BRF1: variants seen among roughly 807,000 people sequenced by gnomAD.
BRF1 encodes BRF1 general transcription factor IIIB subunit.
Under a neutral mutation model 81.7 loss-of-function variants are expected in BRF1, and 59 were observed. That is an observed-to-expected ratio of 0.72 (90% CI 0.59 to 0.90). The LOEUF is 0.90. Ranked by LOEUF, BRF1 falls within the 40% of genes least tolerant of loss-of-function variation. The pLI is 0.00. For missense variants in BRF1, 1,050 were observed against 936.3 expected (o/e 1.12, Z -1.58); for synonymous variants, 491 against 395.6 (o/e 1.24, Z -2.86).
At position 105,248,651 on chromosome 14, in the gene BRF1, A is replaced by G. The variant is rs867040308; in HGVS notation, c.544+3856T>C. ...CTAGGCTGGGCTCGGGCAGGGTCGC[A>G]GGGGCGGGGGTGGCAGGGGAGCGGG... On this transcript the variant is annotated intron_variant, in intron 5 of 17. Coordinates refer to ENST00000547530, the MANE Select transcript of BRF1 (RefSeq NM_001519.4). The G allele has an allele frequency of 3.1e-3, 3,059 of 977,518 alleles. 81 individuals carry two copies. In the African/African-American group the frequency reaches 0.052, roughly 17 times the overall value. 60.6% of individuals were successfully genotyped at this position (977,518 alleles called of 1,614,324 possible). A position where few individuals can be genotyped will look rare whatever the true frequency, so the allele number is the denominator to read the frequency against.
At chr14:105,267,764 G>A (rs587626871) in intron 3 of BRF1, among the ~76,000 whole-genome samples, 1 of 152,352 alleles carries the variant, frequency 6.6e-6, no homozygotes, top group South Asian at 2.1e-4. Context: ...AAGGGGGCCT[G>A]GTGGCAGAAG....
intron 1 of BRF1, among the ~76,000 whole-genome samples, chr14:105,287,454 G>A (rs2057357495): frequency 6.6e-6 from 1 of 152,200 alleles, no homozygotes; most frequent in African/African-American, 2.4e-5. Context: ...TTGGCACAGG[G>A]GCCAGTGCAT....
chr14:105,249,591 C>T lies in BRF1; in HGVS notation c.544+2916G>A, dbSNP rs1454985838. On this transcript the variant is annotated intron_variant, in intron 5 of 17. Coordinates refer to ENST00000547530, the MANE Select transcript of BRF1 (RefSeq NM_001519.4). The stretch of plus-strand genomic sequence containing the variant: ...GACTCCTCTCCCAGGCCCAGCCCCG[C>T]GATGGGTGCTTGGGAGCCAGCCCCT... 5 of 1,586,456 alleles carry T rather than the reference C, an allele frequency of 3.2e-6. No homozygotes were observed. The South Asian group carries it at 4.6e-5, about 15-fold the overall frequency.
In BRF1 at chr14:105,226,132, C is replaced by T; in HGVS notation, c.985G>A (p.Glu329Lys). ...GGCCGGCTGTTTTCTAGTTCAATCT[C>T]AATTGCATCCTGGTAACTGGATATT... ...GEISSYQDAI[E>K]IELENSRPKA... Residue 329 changes from glutamate (E) to lysine (K), a missense_variant, in exon 10 of 18, where the codon GAG becomes AAG. By Grantham distance (56) the Glu-to-Lys change is moderately conservative. Coordinates refer to ENST00000547530, the MANE Select transcript of BRF1 (RefSeq NM_001519.4). 1 of 1,613,994 alleles carries T rather than the reference C, an allele frequency of 6.2e-7. No homozygotes were observed. Among genetic ancestry groups the T allele is most frequent in the Non-Finnish European group, 8.5e-7 (1 of 1,180,042 alleles).
chr14:105,279,027 AGT>A (rs2056962014), intron 2 of BRF1, among the ~76,000 whole-genome samples: 1 of 151,988 alleles, frequency 6.6e-6, no homozygotes, highest in Admixed American at 6.6e-5. Context: ...CTGGCAAAAG[AGT>A]GAGACTCCAT....
intron 2 of BRF1, among the ~76,000 whole-genome samples, chr14:105,273,144 G>A (rs2056730863): frequency 1.3e-5 from 2 of 152,152 alleles, no homozygotes; most frequent in Admixed American, 1.3e-4. Context: ...AGTGGCGTGT[G>A]CGGTGTGGCT....
Position 105,300,710 on chromosome 14 carries a change from G to T in BRF1, c.-81C>A. The T allele has an allele frequency of 9.0e-7, 1 of 1,113,414 alleles. No homozygotes were observed. Among genetic ancestry groups the T allele is most frequent in the Non-Finnish European group, 1.1e-6 (1 of 884,672 alleles). The allele number at this position is 1,113,414 out of a possible 1,614,324, so 69.0% of individuals were successfully genotyped here. ...GCCTCCGGAGCAGCCCGCGCCGCCCGCCCAGGCCCAGCCGCCCAGGCCTCG... is the reference window on the plus strand; with the variant it reads ...GCCTCCGGAGCAGCCCGCGCCGCCCTCCCAGGCCCAGCCGCCCAGGCCTCG... On this transcript the variant is annotated 5_prime_UTR_variant, in exon 1 of 18. Coordinates refer to ENST00000547530, the MANE Select transcript of BRF1 (RefSeq NM_001519.4).
At chr14:105,244,074 C>T (rs1345869545) in intron 5 of BRF1, among the ~76,000 whole-genome samples, 2 of 151,168 alleles carry the variant, frequency 1.3e-5, no homozygotes, top group East Asian at 3.9e-4. Flanking sequence ...CTTGGAAGGC[C>T]GAGGTGGGAG....
chr14:105,241,490 G>T, intron 5 of BRF1, 76 bp from the exon 6 acceptor site: 6 of 1,575,962 alleles, frequency 3.8e-6, no homozygotes, highest in Non-Finnish European at 5.2e-6. Context: ...GCAGCCCAGG[G>T]GTGGGGCAAC....
chr14:105,244,409 A>C (rs892545766), intron 5 of BRF1, among the ~76,000 whole-genome samples: 3 of 152,162 alleles, frequency 2.0e-5, no homozygotes, highest in African/African-American at 7.2e-5. Context: ...TTGCCACTGC[A>C]TTCTAGCCTA....
chr14:105,267,619 G>A (rs1261625993), intron 3 of BRF1, among the ~76,000 whole-genome samples: 2 of 152,162 alleles, frequency 1.3e-5, no homozygotes, highest in African/African-American at 4.8e-5. Flanking sequence ...GACCTGAAAT[G>A]CCAACGTCTT....
rs149256092 is a variant in BRF1, at chr14:105,260,259, C to G, written c.440-3710G>C. Among the ~76,000 whole-genome samples the G allele has an allele frequency of 3.3e-3, 500 of 152,278 alleles. 3 individuals carry two copies. Among genetic ancestry groups the G allele is most frequent in the East Asian group, 0.014 (73 of 5,182 alleles). On this transcript the variant is annotated intron_variant, in intron 3 of 17. Coordinates refer to ENST00000547530, the MANE Select transcript of BRF1 (RefSeq NM_001519.4). ...GTGTGCAGTACACAGACGTCTGCAA[C>G]TTGCCTTGAAATGTGCCAAAAAATA... is the stretch of plus-strand genomic sequence containing the variant.
rs3784214 is a variant in BRF1, at chr14:105,268,993, C to T, written c.439+3728G>A. Among the ~76,000 whole-genome samples, 502 of 152,306 alleles carry T rather than the reference C, an allele frequency of 3.3e-3. 3 individuals are homozygous for T. Among genetic ancestry groups the T allele is most frequent in the East Asian group, 0.014 (73 of 5,170 alleles). On this transcript the variant is annotated intron_variant, in intron 3 of 17. Coordinates refer to ENST00000547530, the MANE Select transcript of BRF1 (RefSeq NM_001519.4). ...TGAGGCAGCACATGAGCCCAGCCAGCCAGCTGGGGCTGCAGGAGGCGAGGA... is the reference window on the plus strand; with the variant it reads ...TGAGGCAGCACATGAGCCCAGCCAGTCAGCTGGGGCTGCAGGAGGCGAGGA...
chr14:105,213,579 C>T (rs587695550), intron 15 of BRF1, among the ~76,000 whole-genome samples: 3 of 152,180 alleles, frequency 2.0e-5, no homozygotes, highest in Non-Finnish European at 4.4e-5. Flanking sequence ...TACGGGGCTA[C>T]AGGGAGAGCG....
At chr14:105,275,070 T>C (rs1211075721) in intron 2 of BRF1, among the ~76,000 whole-genome samples, 1 of 152,214 alleles carries the variant, frequency 6.6e-6, no homozygotes, top group East Asian at 1.9e-4. Flanking sequence ...CCAGATTTAT[T>C]TGATAAGGGC....
rs766227353 is a variant in BRF1, at chr14:105,228,810, A to T, written c.788+10T>A. The T allele has an allele frequency of 1.2e-6, 2 of 1,613,568 alleles. No individual in the cohort carries two copies. Among genetic ancestry groups the T allele is most frequent in the African/African-American group, 2.7e-5 (2 of 75,006 alleles). On this transcript the variant is annotated intron_variant, in intron 7 of 17. Coordinates refer to ENST00000547530, the MANE Select transcript of BRF1 (RefSeq NM_001519.4). ...GTGTGGTCCCCATGCCATGAATGAG[A>T]GCCCCTCACCTCTTCCGCAGCGTGG...
At chr14:105,245,912 T>C (rs936436302) in intron 5 of BRF1, among the ~76,000 whole-genome samples, 6 of 152,054 alleles carry the variant, frequency 3.9e-5, no homozygotes, top group African/African-American at 4.8e-5. Context: ...AAAGTAAAAA[T>C]AGACAAATGG....
At chr14:105,304,220 G>A (rs999131957), upstream of BRF1, among the ~76,000 whole-genome samples, 8 of 152,182 alleles carry the variant, frequency 5.3e-5, no homozygotes, top group South Asian at 2.1e-4. Flanking sequence ...AGCCAGGCTC[G>A]GTGGCTCAGG....
At chr14:105,228,662 C>A (rs2054206888) in intron 7 of BRF1, among the ~76,000 whole-genome samples, 158 bp downstream of exon 7, 2 of 152,280 alleles carry the variant, frequency 1.3e-5, no homozygotes, top group African/African-American at 2.4e-5. Flanking sequence ...ACCAGCACGT[C>A]CAAGCCATAG....
Sources: gnomAD v4.1 joint callset for allele counts (sites outside exome capture counted in the v4.1 genomes callset) on GRCh38, gnomAD v4.1.1 for gene constraint, MANE v1.5 for transcripts, NCBI Gene and HGNC (gene_info 2026-07-23, HGNC 2026-07-21) for gene names.